The following KYNU variants were observed in gnomAD, a reference collection of about 807,000 sequenced individuals.
The protein encoded by KYNU is L-kynurenine hydrolase.
In KYNU, 54 loss-of-function variants were observed where a neutral mutation model predicts 59.2. That is an observed-to-expected ratio of 0.91 (90% confidence interval 0.73 to 1.14). The LOEUF is 1.14. Among genes scored for constraint, KYNU ranks in the 50% most tolerant of loss-of-function variants. The pLI, the probability that KYNU is intolerant of heterozygous loss-of-function variation, is 0.00. For synonymous variants in KYNU, 177 were observed against 192.0 expected (o/e 0.92, Z 0.65); for missense variants, 567 against 554.4 (o/e 1.02, Z -0.23).
intron 3 of KYNU, among the ~76,000 whole-genome samples, chr2:142,919,013 T>C (rs1485855135): frequency 2.6e-5 from 4 of 152,246 alleles, no homozygotes; most frequent in Admixed American, 1.3e-4. Flanking sequence ...ATAAATGTCA[T>C]GTAAATAGCT....
chr2:143,013,247 A>T (rs1686161098), intron 10 of KYNU, among the ~76,000 whole-genome samples: 1 of 151,646 alleles, frequency 6.6e-6, no homozygotes, highest in Non-Finnish European at 1.5e-5. Context: ...AGGGCTAAAT[A>T]ATATTTCTCT....
intron 8 of KYNU, among the ~76,000 whole-genome samples, chr2:142,962,892 G>C (rs1684396761): frequency 1.3e-5 from 2 of 152,076 alleles, no homozygotes; most frequent in African/African-American, 4.8e-5. Context: ...GGTCATCTGT[G>C]AATAAAACTG....
intron 11 of KYNU, among the ~76,000 whole-genome samples, chr2:143,032,432 T>TG (rs1186231806): frequency 6.6e-6 from 1 of 152,064 alleles, no homozygotes. Flanking sequence ...CCTCGACATA[T>TG]GGGGATTACA....
chr2:142,928,832 A>AT (rs1683120423), intron 4 of KYNU, among the ~76,000 whole-genome samples: 1 of 151,596 alleles, frequency 6.6e-6, no homozygotes, highest in Non-Finnish European at 1.5e-5. Flanking sequence ...ACATGGTGAG[A>AT]TCCCATCTCT....
intron 4 of KYNU, among the ~76,000 whole-genome samples, chr2:142,950,588 A>G (rs1019061440): frequency 1.3e-5 from 2 of 152,090 alleles, no homozygotes; most frequent in African/African-American, 2.4e-5. Context: ...CACAGGAAAA[A>G]CCTGCCCCCA....
chr2:142,952,430 T>A (rs1385588470), intron 4 of KYNU, among the ~76,000 whole-genome samples: 3 of 152,220 alleles, frequency 2.0e-5, no homozygotes, highest in East Asian at 3.9e-4. Flanking sequence ...TTTTCTTATT[T>A]CTTTCTTTGT....
chr2:142,957,347 C>T (rs2105090391), intron 6 of KYNU, among the ~76,000 whole-genome samples: 1 of 152,132 alleles, frequency 6.6e-6, no homozygotes, highest in East Asian at 1.9e-4. Context: ...GCTTATTTTG[C>T]AAATTCTGGT....
chr2:142,919,693 G>A (rs553851760), intron 3 of KYNU, among the ~76,000 whole-genome samples: 6 of 152,294 alleles, frequency 3.9e-5, no homozygotes, highest in African/African-American at 1.4e-4. Context: ...CAGCACTTTG[G>A]GAGGCAGAGG....
At chr2:142,883,733 C>T (rs1167842345) in intron 1 of KYNU, among the ~76,000 whole-genome samples, 1 of 152,170 alleles carries the variant, frequency 6.6e-6, no homozygotes, top group African/African-American at 2.4e-5. Flanking sequence ...GGTAGCTCTT[C>T]CACACTCCAG....
chr2:142,989,079 C>G (rs1685314597), intron 10 of KYNU, among the ~76,000 whole-genome samples: 1 of 151,856 alleles, frequency 6.6e-6, no homozygotes, highest in South Asian at 2.1e-4. Context: ...TCACGCTGCT[C>G]AAATAAGTGT....
chr2:143,044,443 C>A lies in KYNU; in HGVS notation c.*2271C>A, dbSNP rs1687131905. 1 of 152,180 alleles carries A rather than the reference C, an allele frequency of 6.6e-6. No individual in the cohort carries two copies. Among genetic ancestry groups the A allele is most frequent in the Non-Finnish European group, 1.5e-5 (1 of 68,032 alleles). 9.4% of individuals were successfully genotyped at this position (152,180 alleles called of 1,614,324 possible). On this transcript the variant is annotated 3_prime_UTR_variant, in exon 14 of 14. Transcript: ENST00000264170. ...CACAATGGTTGAACTAATTTATACT[C>A]CCACCAACAGTGTAAAAGCATTCCT...
In KYNU at chr2:142,992,506, G is replaced by A. The variant is rs144222579; in HGVS notation, c.902+6485G>A. Reference sequence around the variant, plus strand: ...AATAATTTTAAGCTCTATATTTTAAGATAGCATCTCTGTCAAACCTTCTGC... The same window carrying A: ...AATAATTTTAAGCTCTATATTTTAAAATAGCATCTCTGTCAAACCTTCTGC... On this transcript the variant is annotated intron_variant, in intron 10 of 13. Transcript: ENST00000264170. Among the ~76,000 whole-genome samples the A allele has an allele frequency of 2.5e-3, 382 of 151,734 alleles. 1 individual carries two copies. Among genetic ancestry groups the A allele is most frequent in the African/African-American group, 8.9e-3 (370 of 41,450 alleles).
At position 142,963,016 on chromosome 2, in the gene KYNU, C is replaced by A. The variant is rs1273141428; in HGVS notation, c.729+2246C>A. Among the ~76,000 whole-genome samples, 10 of 152,106 alleles carry A rather than the reference C, an allele frequency of 6.6e-5. No homozygotes were observed. In the East Asian group the frequency reaches 9.7e-4, roughly 15 times the overall value. ...GATTTGGACATGTGAGGCAAAAAAA[C>A]GTTTTCAGAAATAAAGCATGGTGGG... On this transcript the variant is annotated intron_variant, in intron 8 of 13. Transcript: ENST00000264170.
intron 2 of KYNU, among the ~76,000 whole-genome samples, chr2:142,896,773 C>T (rs2104935757): frequency 6.6e-6 from 1 of 152,278 alleles, no homozygotes; most frequent in East Asian, 1.9e-4. Flanking sequence ...AGGCGTGAGT[C>T]ATGTTTTCAG....
In KYNU at chr2:142,977,372, G is replaced by GATATATATATATAT. The variant is rs70997538; in HGVS notation, c.730-7711_730-7698dup. On this transcript the variant is annotated intron_variant, in intron 8 of 13. Coordinates refer to ENST00000264170, the MANE Select transcript of KYNU (RefSeq NM_003937.3). ...AGCTTCCTGGATGGAATTTTGTGTG[G>GATATATATATATAT]ATATATATATATATGAATAATCATA... is the stretch of plus-strand genomic sequence containing the variant. Among the ~76,000 whole-genome samples the GATATATATATATAT allele has an allele frequency of 2.0e-4, 26 of 131,208 alleles. 2 individuals carry two copies. Among genetic ancestry groups the GATATATATATATAT allele is most frequent in the South Asian group, 5.3e-4 (2 of 3,796 alleles). 86.1% of individuals were successfully genotyped at this position (131,208 alleles called of 152,430 possible).
intron 2 of KYNU, among the ~76,000 whole-genome samples, chr2:142,889,410 T>A (rs1344299396): frequency 6.6e-6 from 1 of 152,108 alleles, no homozygotes; most frequent in Non-Finnish European, 1.5e-5. Context: ...CATATGAAAG[T>A]CTATCCGGGA....
chr2:142,985,059 A>T lies in KYNU; in HGVS notation c.730-25A>T, dbSNP rs760183936. ...ATTTCTAATCATGAAGCAAACTTAA[A>T]GCTTATTATTGTGTTCTTCCCTAGG... On this transcript the variant is annotated intron_variant, in intron 8 of 13. Transcript: ENST00000264170. 4 of 1,313,760 alleles carry T rather than the reference A, an allele frequency of 3.0e-6. No homozygotes were observed. In the African/African-American group the frequency reaches 5.8e-5, roughly 19 times the overall value. 81.4% of individuals were successfully genotyped at this position (1,313,760 alleles called of 1,614,324 possible). A position where few individuals can be genotyped will look rare whatever the true frequency, so the allele number is the denominator to read the frequency against.
rs1687216954 is a variant in KYNU, at chr2:143,049,044, T to C, written c.*6872T>C. On this transcript the variant is annotated 3_prime_UTR_variant, in exon 14 of 14. Transcript: ENST00000264170. ...CTATCCAAGATTTGAGGATTAATTT[T>C]TTAATTTCTAGAAAATTCAGAAGTA... 2 of 152,332 alleles carry C rather than the reference T, an allele frequency of 1.3e-5. No individual in the cohort carries two copies. Among genetic ancestry groups the C allele is most frequent in the South Asian group, 4.1e-4 (2 of 4,828 alleles). 9.4% of individuals were successfully genotyped at this position (152,332 alleles called of 1,614,324 possible). A position where few individuals can be genotyped will look rare whatever the true frequency, so the allele number is the denominator to read the frequency against.
chr2:143,000,794 G>A (rs1022438811), intron 10 of KYNU, among the ~76,000 whole-genome samples: 1 of 152,146 alleles, frequency 6.6e-6, no homozygotes, highest in African/African-American at 2.4e-5. Context: ...TCAATTCTTG[G>A]AGCAGTGCTA....
Sources: allele counts gnomAD v4.1 joint callset (sites outside exome capture counted in the v4.1 genomes callset), GRCh38; gene constraint gnomAD v4.1.1; transcripts MANE v1.5; gene names NCBI Gene and HGNC (gene_info 2026-07-23, HGNC 2026-07-21).